RNF185: variants seen among roughly 807,000 people sequenced by gnomAD.
RNF185 encodes E3 ubiquitin-protein ligase RNF185.
Under a neutral mutation model 24.9 loss-of-function variants are expected in RNF185, and 13 were observed. The ratio of observed to expected loss-of-function variants is 0.52; its 90% CI spans 0.34 to 0.83. The LOEUF (loss-of-function observed/expected upper bound fraction) is 0.83. RNF185 is among the 40% of genes least tolerant of loss of function. RNF185 has a pLI of 0.01. For synonymous variants in RNF185, 79 were observed against 90.3 expected, an observed-to-expected ratio of 0.88 and a Z score of 0.71; for missense variants, 184 against 244.7, an observed-to-expected ratio of 0.75 and a Z score of 1.65.
chr22:31,172,956 C>CAGT, intron 1 of RNF185, among the ~76,000 whole-genome samples: 1 of 152,208 alleles, frequency 6.6e-6, no homozygotes. Flanking sequence ...GGTATCTGTC[C>CAGT]AGTCTGAAGA....
At chr22:31,191,177 T>C (rs1363956813) in intron 2 of RNF185, among the ~76,000 whole-genome samples, 2 of 152,230 alleles carry the variant, frequency 1.3e-5, no homozygotes, top group Non-Finnish European at 2.9e-5. Context: ...GTCGTTGTTA[T>C]AAAGCCTGAC....
chr22:31,192,757 G>T, intron 3 of RNF185, 55 bp downstream of exon 3: 1 of 1,544,170 alleles, frequency 6.5e-7, no homozygotes, highest in Middle Eastern at 1.7e-4. Flanking sequence ...GCACAAGAGA[G>T]CCCTAGTCTC....
At chr22:31,170,918 T>A (rs2047922398) in intron 1 of RNF185, among the ~76,000 whole-genome samples, 1 of 152,058 alleles carries the variant, frequency 6.6e-6, no homozygotes, top group Non-Finnish European at 1.5e-5. Context: ...TGCCTCAGCC[T>A]CCTGAGTAGC....
At chr22:31,203,133 G>C (rs914047116) in intron 6 of RNF185, among the ~76,000 whole-genome samples, 1 of 152,152 alleles carries the variant, frequency 6.6e-6, no homozygotes, top group Admixed American at 6.5e-5. Context: ...CCACAGCCAG[G>C]CTAGACTCTG....
chr22:31,166,089 T>A lies in RNF185; in HGVS notation c.-49+5786T>A, dbSNP rs539920024. Among the ~76,000 whole-genome samples the A allele has an allele frequency of 2.4e-4, 36 of 152,248 alleles. 1 individual carries two copies. Among genetic ancestry groups the A allele is most frequent in the Non-Finnish European group, 2.8e-4 (19 of 68,004 alleles). On this transcript the variant is annotated intron_variant, in intron 1 of 6. Coordinates refer to ENST00000326132, the MANE Select transcript of RNF185 (RefSeq NM_152267.4). ...TCACTGCAGCCTCCATCTCCCAGATTCAAGCAATTCTCGTGCCTCAGTTCC... is the reference window on the plus strand; with the variant it reads ...TCACTGCAGCCTCCATCTCCCAGATACAAGCAATTCTCGTGCCTCAGTTCC...
In RNF185 at chr22:31,183,951, G is replaced by A. The variant is rs558160020; in HGVS notation, c.-48-3096G>A. Among the ~76,000 whole-genome samples the A allele has an allele frequency of 5.1e-5, 6 of 117,316 alleles. 1 individual carries two copies. The South Asian group carries it at 1.3e-3, about 25-fold the overall frequency. 77.0% of individuals were successfully genotyped at this position (117,316 alleles called of 152,430 possible). ...GCAGAGGGGCTCCCACCTCCCGGAC[G>A]GGGCAGCTGTCCAGGCGGGGGCTGC... is the stretch of plus-strand genomic sequence containing the variant. On this transcript the variant is annotated intron_variant, in intron 1 of 6. Coordinates refer to ENST00000326132, the MANE Select transcript of RNF185 (RefSeq NM_152267.4).
At chr22:31,189,134 A>ATGTGTGTGT (rs1568968881) in intron 2 of RNF185, among the ~76,000 whole-genome samples, 2 of 37,008 alleles carry the variant, frequency 5.4e-5, no homozygotes, top group Admixed American at 3.1e-4. Flanking sequence ...TCAAAAAAAA[A>ATGTGTGTGT]ATGTGTGTGT....
chr22:31,195,865 T>C (rs2048200651), intron 4 of RNF185, among the ~76,000 whole-genome samples: 1 of 152,124 alleles, frequency 6.6e-6, no homozygotes, highest in Non-Finnish European at 1.5e-5. Context: ...CAGGAGAGGC[T>C]CCAGGGAGCA....
rs2413037 is a variant in RNF185, at chr22:31,204,820, A to G, written c.*234A>G. 2 of 476,596 alleles carry G rather than the reference A, an allele frequency of 4.2e-6. No individual in the cohort carries two copies. The highest frequency in any genetic ancestry group is 3.2e-5 in the Admixed American group (1 of 30,918). 29.5% of individuals were successfully genotyped at this position (476,596 alleles called of 1,614,324 possible). ...TAACTTCAGGCCTTGGCATTGAGTC[A>G]TCTCTCATGGGTGACACCATGAAAT... On this transcript the variant is annotated 3_prime_UTR_variant, in exon 7 of 7. Coordinates refer to ENST00000326132, the MANE Select transcript of RNF185 (RefSeq NM_152267.4).
At chr22:31,174,553 A>G (rs2047962775) in intron 1 of RNF185, among the ~76,000 whole-genome samples, 1 of 151,722 alleles carries the variant, frequency 6.6e-6, no homozygotes, top group Admixed American at 6.6e-5. Context: ...CTAATTTTAA[A>G]TTTTTTTGGT....
At chr22:31,169,396 A>G (rs1273459417) in intron 1 of RNF185, among the ~76,000 whole-genome samples, 1 of 152,162 alleles carries the variant, frequency 6.6e-6, no homozygotes, top group African/African-American at 2.4e-5. Context: ...CAATTTGTCT[A>G]CTTTTTCTTT....
At chr22:31,182,216 A>T (rs1272147796) in intron 1 of RNF185, among the ~76,000 whole-genome samples, 1 of 150,448 alleles carries the variant, frequency 6.6e-6, no homozygotes, top group Non-Finnish European at 1.5e-5. Context: ...GGCCCAAGTG[A>T]TCCTCCCACC....
chr22:31,184,734 C>T (rs990152747), intron 1 of RNF185, among the ~76,000 whole-genome samples: 1 of 152,180 alleles, frequency 6.6e-6, no homozygotes, highest in Non-Finnish European at 1.5e-5. Flanking sequence ...GCCAACACGG[C>T]AAAACCCCGT....
chr22:31,179,680 G>C (rs912499450), intron 1 of RNF185, among the ~76,000 whole-genome samples: 1 of 152,212 alleles, frequency 6.6e-6, no homozygotes, highest in Non-Finnish European at 1.5e-5. Context: ...CCTGGCACAA[G>C]GCTGCCACTC....
intron 3 of RNF185, among the ~76,000 whole-genome samples, chr22:31,194,962 C>CT (rs149125564): frequency 0.023 from 3,432 of 151,268 alleles, 134 homozygotes; most frequent in African/African-American, 0.076. Context: ...GATTTTTTTT[C>CT]TTTTTTTTGA....
In RNF185 at chr22:31,175,765, C is replaced by T. The variant is rs777718138; in HGVS notation, c.-48-11282C>T. On this transcript the variant is annotated intron_variant, in intron 1 of 6. Transcript: ENST00000326132. ...CCTATTGAATTTTGAGCCATGTAAACGTGTTACTTATTAAAAAAATAAATT... is the reference window on the plus strand; with the variant it reads ...CCTATTGAATTTTGAGCCATGTAAATGTGTTACTTATTAAAAAAATAAATT... Among the ~76,000 whole-genome samples, 44 of 151,858 alleles carry T rather than the reference C, an allele frequency of 2.9e-4. 1 individual carries two copies. Among genetic ancestry groups the T allele is most frequent in the Admixed American group, 3.3e-4 (5 of 15,236 alleles).
chr22:31,198,255 ATTT>A (rs1258520065), intron 5 of RNF185, among the ~76,000 whole-genome samples: 1 of 151,584 alleles, frequency 6.6e-6, no homozygotes, highest in Non-Finnish European at 1.5e-5. Flanking sequence ...GTTTTTTATT[ATTT>A]TTTATTTTTC....
In RNF185 at chr22:31,175,191, C is replaced by T. The variant is rs575442047; in HGVS notation, c.-48-11856C>T. 3.6e-4 allele frequency among the ~76,000 whole-genome samples: 55 copies of T among 151,948 alleles called. No individual in the cohort carries two copies. The South Asian group carries it at 0.011, about 32-fold the overall frequency. On this transcript the variant is annotated intron_variant, in intron 1 of 6. Transcript: ENST00000326132. The stretch of plus-strand genomic sequence containing the variant: ...GGCTTGGTGGCTGATTGCCTGTAAT[C>T]TCAGCAATTTGGGAGGCCAAGGCTG...
At chr22:31,174,909 A>T (rs2047966187) in intron 1 of RNF185, among the ~76,000 whole-genome samples, 1 of 151,578 alleles carries the variant, frequency 6.6e-6, no homozygotes, top group South Asian at 2.1e-4. Context: ...GCCTCTACGA[A>T]AAATACCAAA....
Sources: gnomAD v4.1 joint callset for allele counts (sites outside exome capture counted in the v4.1 genomes callset) on GRCh38, gnomAD v4.1.1 for gene constraint, MANE v1.5 for transcripts, NCBI Gene and HGNC (gene_info 2026-07-23, HGNC 2026-07-21) for gene names.